The following FGF10 variants were observed in gnomAD, a reference collection of about 807,000 sequenced individuals.
FGF10 encodes FGF-10.
FGF10 carries 2 observed loss-of-function variants against 19.8 expected under a neutral mutation model. That is an observed-to-expected ratio of 0.10 (90% CI 0.04 to 0.32). The LOEUF (loss-of-function observed/expected upper bound fraction) is 0.32. Among genes scored for constraint, FGF10 ranks in the 10% least tolerant of loss-of-function variants. The pLI, the probability that FGF10 is intolerant of heterozygous loss-of-function variation, is 1.00. For missense variants in FGF10, 191 were observed against 246.3 expected, an observed-to-expected ratio of 0.78 and a Z score of 1.50; for synonymous variants, 112 against 94.0, an observed-to-expected ratio of 1.19 and a Z score of -1.10.
At chr5:44,320,039 C>T (rs7704646) in intron 1 of FGF10, among the ~76,000 whole-genome samples, 3 of 152,048 alleles carry the variant, frequency 2.0e-5, no homozygotes, top group African/African-American at 7.3e-5. Context: ...CTCATAGGAG[C>T]TCGAACACTA....
At chr5:44,380,848 C>T (rs996978487) in intron 1 of FGF10, among the ~76,000 whole-genome samples, 1 of 151,980 alleles carries the variant, frequency 6.6e-6, no homozygotes, top group Non-Finnish European at 1.5e-5. Flanking sequence ...AGCAAATTAT[C>T]CAGGCAGGGT....
chr5:44,313,152 T>C (rs866842994), intron 1 of FGF10, among the ~76,000 whole-genome samples: 1 of 152,076 alleles, frequency 6.6e-6, no homozygotes, highest in African/African-American at 2.4e-5. Flanking sequence ...GGTGATTTAA[T>C]ATCCTTTCGA....
intron 2 of FGF10, among the ~76,000 whole-genome samples, chr5:44,307,893 T>C (rs933086484): frequency 6.6e-6 from 1 of 152,246 alleles, no homozygotes; most frequent in Non-Finnish European, 1.5e-5. Context: ...AGAATGAGTT[T>C]CTTTCTGAGA....
At chr5:44,339,072 C>A (rs908539017) in intron 1 of FGF10, among the ~76,000 whole-genome samples, 1 of 151,954 alleles carries the variant, frequency 6.6e-6, no homozygotes, top group Non-Finnish European at 1.5e-5. Context: ...TTTCTAAAAG[C>A]GATCAAAGCA....
intron 1 of FGF10, among the ~76,000 whole-genome samples, chr5:44,327,848 T>C (rs1315342318): frequency 6.6e-6 from 1 of 152,194 alleles, no homozygotes; most frequent in African/African-American, 2.4e-5. Flanking sequence ...CCTCTTTTTA[T>C]TGTTTCTCCA....
At chr5:44,387,751 A>G (rs1742136453) in intron 1 of FGF10, among the ~76,000 whole-genome samples, 1 of 152,136 alleles carries the variant, frequency 6.6e-6, no homozygotes. Flanking sequence ...CCAAAACAAA[A>G]CAAAACAAAA....
At chr5:44,333,381 G>A (rs555898167) in intron 1 of FGF10, among the ~76,000 whole-genome samples, 1 of 152,200 alleles carries the variant, frequency 6.6e-6, no homozygotes, top group African/African-American at 2.4e-5. Context: ...TGAGAATATA[G>A]ACCTAAGCAA....
intron 1 of FGF10, among the ~76,000 whole-genome samples, chr5:44,374,566 G>A (rs1248765707): frequency 6.6e-6 from 1 of 152,108 alleles, no homozygotes; most frequent in African/African-American, 2.4e-5. Context: ...TTAAGTCTCT[G>A]AGGCCAAGAT....
intron 1 of FGF10, among the ~76,000 whole-genome samples, chr5:44,382,117 CTGCCA>C (rs1741997278): frequency 6.6e-6 from 1 of 152,204 alleles, no homozygotes; most frequent in Non-Finnish European, 1.5e-5. Flanking sequence ...CAATGCTTTA[CTGCCA>C]GCACTATGAA....
intron 1 of FGF10, among the ~76,000 whole-genome samples, chr5:44,387,618 A>G (rs1042895451): frequency 2.6e-5 from 4 of 152,198 alleles, no homozygotes; most frequent in Non-Finnish European, 5.9e-5. Context: ...TGCATACGCT[A>G]TTGACAATGC....
chr5:44,364,390 T>C (rs1741559080), intron 1 of FGF10, among the ~76,000 whole-genome samples: 1 of 151,820 alleles, frequency 6.6e-6, no homozygotes, highest in Non-Finnish European at 1.5e-5. Flanking sequence ...GCAATTATTC[T>C]CCAAATATAG....
intron 1 of FGF10, among the ~76,000 whole-genome samples, chr5:44,367,731 T>C (rs1193269965): frequency 6.6e-6 from 1 of 152,014 alleles, no homozygotes; most frequent in Non-Finnish European, 1.5e-5. Context: ...TCTCCTATTC[T>C]AAAAACAGAA....
intron 1 of FGF10, among the ~76,000 whole-genome samples, chr5:44,339,955 T>C (rs1234197247): frequency 6.6e-6 from 1 of 152,112 alleles, no homozygotes; most frequent in Non-Finnish European, 1.5e-5. Flanking sequence ...GGTTAGTTAA[T>C]AGGACAGGAA....
chr5:44,315,507 T>A (rs1740319405), intron 1 of FGF10, among the ~76,000 whole-genome samples: 1 of 152,152 alleles, frequency 6.6e-6, no homozygotes, highest in East Asian at 1.9e-4. Context: ...GTAGTGGTGC[T>A]TTTCTGGGTG....
chr5:44,349,422 T>A (rs1166014388), intron 1 of FGF10, among the ~76,000 whole-genome samples: 7 of 41,420 alleles, frequency 1.7e-4, no homozygotes, highest in South Asian at 1.5e-3. Context: ...AGCATTTTCT[T>A]TATATATATA....
intron 1 of FGF10, among the ~76,000 whole-genome samples, chr5:44,381,459 G>C (rs1369626185): frequency 6.6e-6 from 1 of 150,722 alleles, no homozygotes; most frequent in African/African-American, 2.4e-5. Context: ...TCAGAAACCA[G>C]ATAAAAGTAA....
At chr5:44,385,771 G>T (rs1321469792) in intron 1 of FGF10, among the ~76,000 whole-genome samples, 1 of 152,118 alleles carries the variant, frequency 6.6e-6, no homozygotes, top group Non-Finnish European at 1.5e-5. Flanking sequence ...ATTATGCAAC[G>T]TTTAGACAAT....
At chr5:44,366,226 C>A (rs956293894) in intron 1 of FGF10, among the ~76,000 whole-genome samples, 1 of 135,818 alleles carries the variant, frequency 7.4e-6, no homozygotes, top group African/African-American at 2.7e-5. Context: ...ATATATACAT[C>A]TGGTCCCTGC....
At chr5:44,380,107 A>G (rs1228833242) in intron 1 of FGF10, among the ~76,000 whole-genome samples, 1 of 152,240 alleles carries the variant, frequency 6.6e-6, no homozygotes, top group Non-Finnish European at 1.5e-5. Context: ...AATTACTGCT[A>G]TGAATACCAT....
Sources: allele counts gnomAD v4.1 joint callset (sites outside exome capture counted in the v4.1 genomes callset), GRCh38; gene constraint gnomAD v4.1.1; transcripts MANE v1.5; gene names NCBI Gene and HGNC (gene_info 2026-07-23, HGNC 2026-07-21).